The following CARS1 variants were observed in gnomAD, a reference collection of about 807,000 sequenced individuals.
CARS1 encodes the protein cysteinyl-tRNA synthetase 1, also known as cysteine--tRNA ligase, cytoplasmic.
Under a neutral mutation model 106.2 loss-of-function variants are expected in CARS1, and 48 were observed. That is an observed-to-expected ratio of 0.45 (90% CI 0.36 to 0.57). The LOEUF is 0.57. CARS1 is among the 20% of genes least tolerant of loss of function. CARS1 has a pLI of 0.00. For missense variants in CARS1, 968 were observed against 1,057.2 expected (o/e 0.92, Z 1.17); for synonymous variants, 409 against 403.4 (o/e 1.01, Z -0.17).
At chr11:3,009,793 G>A (rs1462349089) in intron 18 of CARS1, among the ~76,000 whole-genome samples, 1 of 152,322 alleles carries the variant, frequency 6.6e-6, no homozygotes, top group South Asian at 2.1e-4. Flanking sequence ...CCTGGGCCAA[G>A]CAGATCCCAG....
At chr11:3,025,096 C>G (rs933044760) in intron 10 of CARS1, among the ~76,000 whole-genome samples, 3 of 152,190 alleles carry the variant, frequency 2.0e-5, no homozygotes, top group Non-Finnish European at 1.5e-5. Context: ...CCTCTCAGAG[C>G]TGAGGCGCTT....
intron 18 of CARS1, among the ~76,000 whole-genome samples, 183 bp downstream of exon 18, chr11:3,012,010 CGT>C (rs1194297394): frequency 6.6e-6 from 1 of 152,242 alleles, no homozygotes; most frequent in African/African-American, 2.4e-5. Flanking sequence ...GTGACTGGAG[CGT>C]GTGGTACTAA....
rs1379965925 is a variant in CARS1, at chr11:3,017,060, GTGTCCACACAGGC to G, written c.1917+33_1917+45del. On this transcript the variant is annotated intron_variant, in intron 16 of 22. Transcript: ENST00000380525. The surrounding 1 kb of genome is among the most constrained non-coding windows in gnomAD (Gnocchi z 4.9). ...CTCCCAGTCCTGGGGCCTGGCTCCTGTGTCCACACAGGCTGAGGGATACGCCTGCCTGGGGCCT... is the reference window on the plus strand; with the variant it reads ...CTCCCAGTCCTGGGGCCTGGCTCCTGTGAGGGATACGCCTGCCTGGGGCCT... 6 of 1,548,000 alleles carry G rather than the reference GTGTCCACACAGGC, an allele frequency of 3.9e-6. No individual in the cohort carries two copies. Among genetic ancestry groups the G allele is most frequent in the Non-Finnish European group, 3.5e-6 (4 of 1,133,134 alleles).
rs377046484 is a variant in CARS1 at position 3,019,180 on chromosome 11, G to A, written c.1354C>T (p.Leu452Phe). 1.3e-6 allele frequency: 2 copies of A among 1,528,048 alleles called. No homozygotes were observed. Among genetic ancestry groups the A allele is most frequent in the African/African-American group, 1.4e-5 (1 of 71,260 alleles). 94.7% of individuals were successfully genotyped at this position (1,528,048 alleles called of 1,614,324 possible). Residue 452 changes from leucine (L) to phenylalanine (F), a missense_variant, in exon 12 of 23, where the codon CTC becomes TTC. Physicochemically the swap from Leu to Phe is conservative, Grantham distance 22. Transcript: ENST00000380525. This position sits in a 1 kb window ranked among gnomAD's most constrained non-coding sequence, Gnocchi z 6.2. ...TCATTGTCATGGTGGGGGAACCGGA[G>A]GTCGAACCCACCTCCGTGAATGTCC... The part of the protein sequence containing the change: ...SMDIHGGGFD[L>F]RFPHHDNELA...
At position 3,022,485 on chromosome 11, in the gene CARS1, T is replaced by G. The variant is rs192207841; in HGVS notation, c.1154-2153A>C. Reference sequence around the variant, plus strand: ...CATCTCCATTTGTCCACCATACAATTACTACGCTTCTTCTACGGCAACCCC... The same window carrying G: ...CATCTCCATTTGTCCACCATACAATGACTACGCTTCTTCTACGGCAACCCC... On this transcript the variant is annotated intron_variant, in intron 10 of 22. Transcript: ENST00000380525. This position sits in a 1 kb window ranked among gnomAD's most constrained non-coding sequence, Gnocchi z 4.9. Among the ~76,000 whole-genome samples, 15 of 152,296 alleles carry G rather than the reference T, an allele frequency of 9.8e-5. No individual in the cohort carries two copies. The highest frequency in any genetic ancestry group is 9.1e-4 in the Admixed American group (14 of 15,302).
At chr11:3,054,873 T>C in intron 1 of CARS1, 1 of 702,540 alleles carries the variant, frequency 1.4e-6, no homozygotes, top group South Asian at 1.5e-5. Flanking sequence ...ACTATAAGTC[T>C]GACCTGATGA....
At chr11:3,013,352 A>G (rs902198507) in intron 17 of CARS1, among the ~76,000 whole-genome samples, 1 of 151,808 alleles carries the variant, frequency 6.6e-6, no homozygotes, top group African/African-American at 2.4e-5. Flanking sequence ...GGGTTTCTCC[A>G]TGTTGGTCAG....
intron 1 of CARS1, among the ~76,000 whole-genome samples, chr11:3,054,110 C>T (rs777950625): frequency 1.3e-5 from 2 of 152,152 alleles, no homozygotes; most frequent in Admixed American, 6.5e-5. Flanking sequence ...CAACTAGGAG[C>T]CAACACTGCC....
intron 9 of CARS1, 117 bp from the exon 10 acceptor site, chr11:3,026,914 A>C: frequency 9.0e-7 from 1 of 1,116,892 alleles, no homozygotes; most frequent in Non-Finnish European, 1.3e-6. Flanking sequence ...TGGCCTATCT[A>C]CTCTCTGTGG....
In CARS1 at chr11:3,039,533, C is replaced by A. The variant is rs955529812; in HGVS notation, c.553-241G>T. On this transcript the variant is annotated intron_variant, in intron 5 of 22. Coordinates refer to ENST00000380525, the MANE Select transcript of CARS1 (RefSeq NM_001014437.3). The surrounding 1 kb of genome is among the most constrained non-coding windows in gnomAD (Gnocchi z 5.6). ...CGCTTAATGAAATGAGCCCTGGGGG[C>A]CCCAGCTTCCCCTGCAAGCCACATG... Among the ~76,000 whole-genome samples, 1 of 152,190 alleles carries A rather than the reference C, an allele frequency of 6.6e-6. No individual in the cohort carries two copies. Among genetic ancestry groups the A allele is most frequent in the Non-Finnish European group, 1.5e-5 (1 of 68,030 alleles).
chr11:3,017,198 T>G lies in CARS1; in HGVS notation c.1825A>C (p.Asn609His), dbSNP rs370705545. 27 of 1,614,066 alleles carry G rather than the reference T, an allele frequency of 1.7e-5. No homozygotes were observed. The highest frequency in any genetic ancestry group is 2.2e-5 in the Non-Finnish European group (26 of 1,180,032). Residue 609 changes from asparagine to histidine, a missense_variant, in exon 16 of 23, where the codon AAC becomes CAC. By Grantham distance (68) the Asn-to-His change is moderately conservative (BLOSUM62 1). Coordinates refer to ENST00000380525, the MANE Select transcript of CARS1 (RefSeq NM_001014437.3). This position sits in a 1 kb window ranked among gnomAD's most constrained non-coding sequence, Gnocchi z 4.9. Reference protein sequence around the residue: ...EEMRALVSQCNLYMAARKAVR... With the variant: ...EEMRALVSQCHLYMAARKAVR... Reference sequence around the variant, plus strand: ...GCTTTCCGGGCTGCCATATAGAGGTTGCACTGACTGACCAAGGCCCGCATC... The same window carrying G: ...GCTTTCCGGGCTGCCATATAGAGGTGGCACTGACTGACCAAGGCCCGCATC...
chr11:3,019,147 G>A lies in CARS1; in HGVS notation c.1387C>T (p.Gln463Ter), dbSNP rs757978333. ...ACTCTGTTTTCACCTACCTCCGACT[G>A]TGCCAGCTCATTGTCATGGTGGGGG... ...RFPHHDNELAQSEAYFENDCW... is the reference protein window; with the variant it reads ...RFPHHDNELA Residue 463 changes from glutamine to a stop codon, truncating the protein, a stop_gained, in exon 12 of 23, where the codon CAG becomes TAG. Coordinates refer to ENST00000380525, the MANE Select transcript of CARS1 (RefSeq NM_001014437.3). LOFTEE classifies it high-confidence loss of function. This position sits in a 1 kb window ranked among gnomAD's most constrained non-coding sequence, Gnocchi z 6.2. 4 of 1,523,192 alleles carry A rather than the reference G, an allele frequency of 2.6e-6. No individual in the cohort carries two copies. The highest frequency in any genetic ancestry group is 3.5e-6 in the Non-Finnish European group (4 of 1,139,198). The allele number at this position is 1,523,192 out of a possible 1,614,324, so 94.4% of individuals were successfully genotyped here.
Position 3,038,342 on chromosome 11 carries a change from A to T in CARS1, c.652-143T>A. ...AAGTGTGCAACCCAAGTGGCCAGGC[A>T]GTAAGGAACTAAGAGAGACTGAAGC... On this transcript the variant is annotated intron_variant, in intron 6 of 22. Transcript: ENST00000380525. This position sits in a 1 kb window ranked among gnomAD's most constrained non-coding sequence, Gnocchi z 4.0. 1 of 742,854 alleles carries T rather than the reference A, an allele frequency of 1.3e-6. No individual in the cohort carries two copies. Among genetic ancestry groups the T allele is most frequent in the Admixed American group, 2.3e-5 (1 of 42,698 alleles). 46.0% of individuals were successfully genotyped at this position (742,854 alleles called of 1,614,324 possible). A position where few individuals can be genotyped will look rare whatever the true frequency, so the allele number is the denominator to read the frequency against.
At position 3,046,638 on chromosome 11, in the gene CARS1, G is replaced by C. The variant is rs1266684113; in HGVS notation, c.274+1115C>G. Reference sequence around the variant, plus strand: ...CCTGACCCACGGCAGAGGCGGGGGGGCATGTTCCCAATCCCAGGCCCCAAC... The same window carrying C: ...CCTGACCCACGGCAGAGGCGGGGGGCCATGTTCCCAATCCCAGGCCCCAAC... On this transcript the variant is annotated intron_variant, in intron 2 of 22. Transcript: ENST00000380525. This position sits in a 1 kb window ranked among gnomAD's most constrained non-coding sequence, Gnocchi z 5.8. Among the ~76,000 whole-genome samples, 1 of 152,124 alleles carries C rather than the reference G, an allele frequency of 6.6e-6. No homozygotes were observed. Among genetic ancestry groups the C allele is most frequent in the Non-Finnish European group, 1.5e-5 (1 of 68,006 alleles).
In CARS1 at chr11:3,052,255, C is replaced by G. The variant is rs541144263; in HGVS notation, c.26-4254G>C. On this transcript the variant is annotated intron_variant, in intron 1 of 22. Transcript: ENST00000380525. This position sits in a 1 kb window ranked among gnomAD's most constrained non-coding sequence, Gnocchi z 4.6. ...GGCTGAGTACCTACACTCACACACA[C>G]GGCGGCATTTCCTCACGGTAAAACA... is the stretch of plus-strand genomic sequence containing the variant. 1.3e-5 allele frequency among the ~76,000 whole-genome samples: 2 copies of G among 152,336 alleles called. No individual in the cohort carries two copies. The highest frequency in any genetic ancestry group is 4.8e-5 in the African/African-American group (2 of 41,584).
chr11:3,002,281 C>T (rs1033363306), intron 21 of CARS1: 4 of 651,960 alleles, frequency 6.1e-6, no homozygotes, highest in Non-Finnish European at 1.1e-5. Flanking sequence ...TACTAGAAAA[C>T]CTAATAGTAG....
At position 3,021,870 on chromosome 11, in the gene CARS1, T is replaced by C. The variant is rs1851599208; in HGVS notation, c.1154-1538A>G. ...TGATATGGCCCATGACATTCGCTTTTAGATGCTCTTTGATAGAAAATATAC... is the reference window on the plus strand; with the variant it reads ...TGATATGGCCCATGACATTCGCTTTCAGATGCTCTTTGATAGAAAATATAC... On this transcript the variant is annotated intron_variant, in intron 10 of 22. Transcript: ENST00000380525. This position sits in a 1 kb window ranked among gnomAD's most constrained non-coding sequence, Gnocchi z 5.3. Among the ~76,000 whole-genome samples, 1 of 152,262 alleles carries C rather than the reference T, an allele frequency of 6.6e-6. No homozygotes were observed. Among genetic ancestry groups the C allele is most frequent in the African/African-American group, 2.4e-5 (1 of 41,468 alleles).
Position 3,004,836 on chromosome 11 carries a change from G to T in CARS1, c.2217+530C>A, listed in dbSNP as rs1168632308. On this transcript the variant is annotated intron_variant, in intron 20 of 22. Coordinates refer to ENST00000380525, the MANE Select transcript of CARS1 (RefSeq NM_001014437.3). This position sits in a 1 kb window ranked among gnomAD's most constrained non-coding sequence, Gnocchi z 5.2. ...AACATGTCAGCTTCGGGCCAGGCGTGGTGGCTCAAGCCTGTAATCCCAGCA... is the reference window on the plus strand; with the variant it reads ...AACATGTCAGCTTCGGGCCAGGCGTTGTGGCTCAAGCCTGTAATCCCAGCA... Among the ~76,000 whole-genome samples, 3 of 152,082 alleles carry T rather than the reference G, an allele frequency of 2.0e-5. No homozygotes were observed. The highest frequency in any genetic ancestry group is 7.2e-5 in the African/African-American group (3 of 41,410).
At chr11:3,018,784 T>C (rs1565045046) in intron 12 of CARS1, 35 bp from the exon 13 acceptor site, 1 of 1,601,348 alleles carries the variant, frequency 6.2e-7, no homozygotes, top group Non-Finnish European at 8.5e-7. Flanking sequence ...TCAACAGTCA[T>C]GTGTTACTGG....
Sources: gnomAD v4.1 joint callset for allele counts (sites outside exome capture counted in the v4.1 genomes callset) on GRCh38, gnomAD v4.1.1 for gene constraint, Gnocchi (gnomAD v3.1) non-coding constraint, MANE v1.5 for transcripts, NCBI Gene and HGNC (gene_info 2026-07-23, HGNC 2026-07-21) for gene names.